OPCML: variants seen among roughly 807,000 people sequenced by gnomAD.
OPCML encodes opioid-binding protein/cell adhesion molecule.
Under a neutral mutation model 37.8 loss-of-function variants are expected in OPCML, and 13 were observed. The ratio of observed to expected loss-of-function variants is 0.34; its 90% CI spans 0.22 to 0.55. The LOEUF is 0.55. OPCML is among the 20% of genes least tolerant of loss of function. The probability of loss-of-function intolerance (pLI) is 0.91; values close to 1 mark genes in which losing one functional copy is unlikely to be tolerated. For missense variants in OPCML, 341 were observed against 435.6 expected, an observed-to-expected ratio of 0.78 and a Z score of 1.93; for synonymous variants, 176 against 168.8, an observed-to-expected ratio of 1.04 and a Z score of -0.33.
At chr11:133,323,992 G>C (rs561277821) in intron 1 of OPCML, among the ~76,000 whole-genome samples, 1 of 152,226 alleles carries the variant, frequency 6.6e-6, no homozygotes, top group Non-Finnish European at 1.5e-5. Context: ...CATTACCCCT[G>C]TGGGGGCTTG....
rs367815947 is a variant in OPCML at position 133,204,890 on chromosome 11, A to G, written c.62-261880T>C. Among the ~76,000 whole-genome samples the G allele has an allele frequency of 4.3e-3, 572 of 131,782 alleles. 5 individuals are homozygous for G. The highest frequency in any genetic ancestry group is 5.9e-3 in the Non-Finnish European group (360 of 61,032). The allele number at this position is 131,782 out of a possible 152,430, so 86.5% of individuals were successfully genotyped here. ...TGTGTATATATATATATATATATAT[A>G]TATATATATATATATATATACATAC... On this transcript the variant is annotated intron_variant, in intron 1 of 7. Transcript: ENST00000524381.
intron 1 of OPCML, among the ~76,000 whole-genome samples, chr11:133,160,944 C>A (rs561266431): frequency 6.6e-6 from 1 of 152,208 alleles, no homozygotes; most frequent in African/African-American, 2.4e-5. Context: ...ATGTTCTGCA[C>A]GGTGTGAGGC....
intron 1 of OPCML, among the ~76,000 whole-genome samples, chr11:133,125,129 G>T (rs140138925): frequency 6.6e-6 from 1 of 152,172 alleles, no homozygotes; most frequent in African/African-American, 2.4e-5. Flanking sequence ...AAGAAGCAAC[G>T]TCGGGAGGTA....
intron 1 of OPCML, among the ~76,000 whole-genome samples, chr11:133,492,528 T>A (rs1171391423): frequency 6.6e-6 from 1 of 152,006 alleles, no homozygotes; most frequent in African/African-American, 2.4e-5. Context: ...GGGGTTTTTT[T>A]AATAACAAAG....
chr11:133,142,688 A>G (rs1949840447), intron 1 of OPCML, among the ~76,000 whole-genome samples: 1 of 152,142 alleles, frequency 6.6e-6, no homozygotes, highest in Non-Finnish European at 1.5e-5. Context: ...ATTTCCACTG[A>G]CACACTGAAT....
intron 7 of OPCML, among the ~76,000 whole-genome samples, chr11:132,425,119 A>G (rs1240211947): frequency 6.6e-6 from 1 of 152,224 alleles, no homozygotes; most frequent in African/African-American, 2.4e-5. Context: ...TCGTTCATTC[A>G]ACATATGTGA....
At chr11:132,843,005 T>C (rs1437921903) in intron 2 of OPCML, among the ~76,000 whole-genome samples, 1 of 152,186 alleles carries the variant, frequency 6.6e-6, no homozygotes, top group African/African-American at 2.4e-5. Context: ...AACTAAGACA[T>C]TACATTCATT....
chr11:133,304,044 G>T (rs1942849706), intron 1 of OPCML, among the ~76,000 whole-genome samples: 1 of 152,194 alleles, frequency 6.6e-6, no homozygotes, highest in South Asian at 2.1e-4. Context: ...TTAACTGATA[G>T]AATTGATAAA....
intron 1 of OPCML, chr11:133,024,342 A>G (rs905063506): frequency 1.0e-6 from 1 of 985,158 alleles, no homozygotes; most frequent in Non-Finnish European, 1.2e-6. Flanking sequence ...TGCGTTCTTT[A>G]CAGGTGAAAC....
intron 4 of OPCML, among the ~76,000 whole-genome samples, chr11:132,521,694 C>G (rs2096294208): frequency 6.6e-6 from 1 of 152,150 alleles, no homozygotes; most frequent in African/African-American, 2.4e-5. Context: ...TTGATAGGTG[C>G]AGCAAACCAC....
At chr11:133,383,824 A>G (rs1944982183) in intron 1 of OPCML, among the ~76,000 whole-genome samples, 1 of 152,192 alleles carries the variant, frequency 6.6e-6, no homozygotes, top group South Asian at 2.1e-4. Context: ...TAATGTTTCT[A>G]GTCTCATAGT....
chr11:133,299,653 C>T (rs924301757), intron 1 of OPCML: 4 of 152,120 alleles, frequency 2.6e-5, no homozygotes, highest in Admixed American at 6.5e-5. Flanking sequence ...TAATTTATAC[C>T]ATCTCTGAAT....
chr11:132,900,745 A>G (rs891342805), intron 2 of OPCML, among the ~76,000 whole-genome samples: 3 of 151,942 alleles, frequency 2.0e-5, no homozygotes, highest in African/African-American at 7.3e-5. Flanking sequence ...AACTAACTCC[A>G]GCTCCTTCAT....
chr11:132,903,834 GA>G (rs1211395386), intron 2 of OPCML, among the ~76,000 whole-genome samples: 3 of 152,124 alleles, frequency 2.0e-5, no homozygotes, highest in Admixed American at 6.5e-5. Context: ...TATTTAAGGG[GA>G]AAAAAATGAG....
intron 2 of OPCML, among the ~76,000 whole-genome samples, chr11:132,761,912 C>T (rs931274124): frequency 1.3e-5 from 2 of 152,062 alleles, no homozygotes; most frequent in African/African-American, 2.4e-5. Flanking sequence ...AATATTCAGC[C>T]TTTTTGCACT....
intron 2 of OPCML, among the ~76,000 whole-genome samples, chr11:132,677,667 C>G (rs1942767441): frequency 6.6e-6 from 1 of 151,958 alleles, no homozygotes. Context: ...ATAGTCTTTT[C>G]AACAAATGCA....
intron 1 of OPCML, among the ~76,000 whole-genome samples, chr11:132,989,562 C>A (rs1157754162): frequency 6.6e-6 from 1 of 150,390 alleles, no homozygotes; most frequent in Non-Finnish European, 1.5e-5. Context: ...TGGGGGAGGA[C>A]CATGCGCTGG....
chr11:133,417,860 C>A (rs1945802202), intron 1 of OPCML, among the ~76,000 whole-genome samples: 1 of 151,746 alleles, frequency 6.6e-6, no homozygotes, highest in South Asian at 2.1e-4. Context: ...TAATTGAGGT[C>A]CAGAGAAAGA....
intron 1 of OPCML, among the ~76,000 whole-genome samples, chr11:133,271,832 T>C (rs1025269927): frequency 2.6e-5 from 4 of 152,226 alleles, no homozygotes; most frequent in Non-Finnish European, 5.9e-5. Context: ...TGCACTGATT[T>C]ATTGTACAAA....
Sources: gnomAD v4.1 joint callset for allele counts (sites outside exome capture counted in the v4.1 genomes callset) on GRCh38, gnomAD v4.1.1 for gene constraint, MANE v1.5 for transcripts, NCBI Gene and HGNC (gene_info 2026-07-23, HGNC 2026-07-21) for gene names.